Variants in IARS1 observed in about 807,000 individuals in gnomAD.
The protein encoded by IARS1 is isoleucyl-tRNA synthetase 1.
Under a neutral mutation model 168.2 loss-of-function variants are expected in IARS1, and 124 were observed. The ratio of observed to expected loss-of-function variants is 0.74; its 90% CI spans 0.64 to 0.86. IARS1 has a LOEUF of 0.86. IARS1 is among the 40% of genes least tolerant of loss of function. The probability of loss-of-function intolerance (pLI) is 0.00; values close to 1 mark genes in which losing one functional copy is unlikely to be tolerated. For missense variants in IARS1, 1,452 were observed against 1,515.8 expected (o/e 0.96, Z 0.70); for synonymous variants, 532 against 529.4 (o/e 1.00, Z -0.07).
chr9:92,210,934 A>T (rs768715920), intron 33 of IARS1, 45 bp from the exon 34 acceptor site: 3 of 1,227,992 alleles, frequency 2.4e-6, no homozygotes, highest in Non-Finnish European at 3.6e-6. Context: ...TATTTTACCT[A>T]TTGGGGGTGA....
chr9:92,289,377 C>T lies in IARS1; in HGVS notation c.43G>A (p.Glu15Lys), dbSNP rs754287620. The T allele has an allele frequency of 6.3e-7, 1 of 1,593,026 alleles. No homozygotes were observed. Among genetic ancestry groups the T allele is most frequent in the African/African-American group, 1.3e-5 (1 of 74,562 alleles). Residue 15 changes from glutamate to lysine, a missense_variant, in exon 2 of 34, where the codon GAA (glutamate) becomes AAA (lysine). By Grantham distance (56) the Glu-to-Lys change is moderately conservative (BLOSUM62 1). Coordinates refer to ENST00000443024, the MANE Select transcript of IARS1 (RefSeq NM_002161.6). Reference protein sequence around the residue: ...VPENINFPAEEEKILEFWTEF... With the variant: ...VPENINFPAEKEKILEFWTEF... ...GTCCAAAACTCCAAGATTTTCTCTT[C>T]TTCAGCAGGAAAATTTATGTTTTCT...
rs781770370 is a variant in IARS1 at position 92,247,528 on chromosome 9, T to G, written c.2640A>C (p.Thr880=). 6.2e-7 allele frequency: 1 copy of G among 1,613,646 alleles called. No homozygotes were observed. Among genetic ancestry groups the G allele is most frequent in the East Asian group, 2.2e-5 (1 of 44,886 alleles). Residue 880 remains threonine, a synonymous_variant, in exon 26 of 34, where the codon ACA becomes ACC. Transcript: ENST00000443024. ...IIEELNVRKV[T]LSTDKNKYGI... The stretch of plus-strand genomic sequence containing the variant: ...CATACTTGTTTTTATCTGTAGACAG[T>G]GTAACTTTTCGAACATTGAGTTCCT...
chr9:92,270,064 T>C (rs142415674), intron 12 of IARS1, 81 bp from the exon 13 acceptor site: 10 of 816,154 alleles, frequency 1.2e-5, no homozygotes, highest in Middle Eastern at 2.2e-4. Flanking sequence ...TCATGTCTTA[T>C]TGACAGCATC....
intron 33 of IARS1, among the ~76,000 whole-genome samples, chr9:92,219,933 A>T (rs1199052084): frequency 6.6e-6 from 1 of 151,982 alleles, no homozygotes; most frequent in African/African-American, 2.4e-5. Context: ...TACCCAAAGG[A>T]CTATAAATCA....
rs192531033 is a variant in IARS1 at position 92,275,056 on chromosome 9, C to A, written c.895-535G>T. On this transcript the variant is annotated intron_variant, in intron 9 of 33. Coordinates refer to ENST00000443024, the MANE Select transcript of IARS1 (RefSeq NM_002161.6). ...GGGGAAATGTGTTCAATTTCATTTT[C>A]TTTGCAACAGCAATATCATCATGTT... Among the ~76,000 whole-genome samples the A allele has an allele frequency of 4.6e-5, 7 of 152,362 alleles. No individual in the cohort carries two copies. The East Asian group carries it at 1.3e-3, about 29-fold the overall frequency.
chr9:92,257,846 A>G (rs1158826062), intron 19 of IARS1, among the ~76,000 whole-genome samples: 1 of 152,198 alleles, frequency 6.6e-6, no homozygotes, highest in Non-Finnish European at 1.5e-5. Flanking sequence ...GATGTGCAGT[A>G]TCGGAACTCT....
At chr9:92,251,980 A>G (rs1269092438) in intron 21 of IARS1, 95 bp from the exon 22 acceptor site, 1 of 871,280 alleles carries the variant, frequency 1.1e-6, no homozygotes, top group Admixed American at 2.0e-5. Context: ...TCTTCAAAGA[A>G]CATGCAGCAT....
Position 92,258,964 on chromosome 9 carries a change from C to T in IARS1, c.1906G>A (p.Glu636Lys), listed in dbSNP as rs759714989. ...CCCTCTTCTTTAAAGCGGAGGTTTTCTGCTCTCACCACAGGGGAGTTAATC... is the reference window on the plus strand; with the variant it reads ...CCCTCTTCTTTAAAGCGGAGGTTTTTTGCTCTCACCACAGGGGAGTTAATC... ...YLINSPVVRAENLRFKEEGVR... is the reference protein window; with the variant it reads ...YLINSPVVRAKNLRFKEEGVR... The change falls in exon 19 of 34, where the codon GAA becomes AAA. Residue 636 changes from glutamate (E) to lysine (K), a missense_variant. Coordinates refer to ENST00000443024, the MANE Select transcript of IARS1 (RefSeq NM_002161.6). 1 of 1,613,482 alleles carries T rather than the reference C, an allele frequency of 6.2e-7. No homozygotes were observed. Among genetic ancestry groups the T allele is most frequent in the Non-Finnish European group, 8.5e-7 (1 of 1,179,756 alleles).
intron 23 of IARS1, 31 bp from the exon 24 acceptor site, chr9:92,250,320 T>C: frequency 7.3e-7 from 1 of 1,370,720 alleles, no homozygotes; most frequent in South Asian, 1.2e-5. Context: ...TATGAAAGAG[T>C]TTAGATTTAA....
At chr9:92,273,509 CA>C (rs1338480957) in intron 10 of IARS1, among the ~76,000 whole-genome samples, 1 of 152,032 alleles carries the variant, frequency 6.6e-6, no homozygotes, top group African/African-American at 2.4e-5. Context: ...GAGAGATTGC[CA>C]AAACATTGAG....
chr9:92,249,683 G>C (rs1014130161), intron 25 of IARS1, among the ~76,000 whole-genome samples, 175 bp downstream of exon 25: 4 of 152,144 alleles, frequency 2.6e-5, no homozygotes, highest in African/African-American at 7.2e-5. Context: ...ATTTTTAAAA[G>C]AATTACAACA....
chr9:92,249,421 C>T (rs1338024268), intron 25 of IARS1, among the ~76,000 whole-genome samples: 3 of 152,038 alleles, frequency 2.0e-5, no homozygotes, highest in Non-Finnish European at 2.9e-5. Flanking sequence ...GGCATGGTGG[C>T]GGGTGCCTGT....
Position 92,222,541 on chromosome 9 carries a change from G to C in IARS1, c.3685C>G (p.Leu1229Val), listed in dbSNP as rs750903982. 1.2e-6 allele frequency: 2 copies of C among 1,613,968 alleles called. No homozygotes were observed. Among genetic ancestry groups the C allele is most frequent in the South Asian group, 1.1e-5 (1 of 91,070 alleles). ...GLRSRKLKLF[L>V]NETQTQEITE... Reference sequence around the variant, plus strand: ...TTACCCTGCGTTTGGGTCTCATTCAGAAACAGCTTTAGCTTCCTGCTCCGA... The same window carrying C: ...TTACCCTGCGTTTGGGTCTCATTCACAAACAGCTTTAGCTTCCTGCTCCGA... Residue 1229 changes from leucine (L) to valine (V), a missense_variant, in exon 33 of 34, where the codon CTG becomes GTG. Transcript: ENST00000443024.
At chr9:92,282,784 T>A (rs1434211461) in intron 6 of IARS1, among the ~76,000 whole-genome samples, 1 of 150,056 alleles carries the variant, frequency 6.7e-6, no homozygotes, top group Non-Finnish European at 1.5e-5. Flanking sequence ...AATAAATAAA[T>A]AAAAGTTTTA....
intron 30 of IARS1, among the ~76,000 whole-genome samples, chr9:92,230,824 AC>A (rs1225691390): frequency 6.6e-6 from 1 of 152,216 alleles, no homozygotes; most frequent in Admixed American, 6.5e-5. Flanking sequence ...TGTGATTTCA[AC>A]TTGAATTTTC....
chr9:92,226,786 A>G (rs1197481560), intron 31 of IARS1, among the ~76,000 whole-genome samples: 1 of 145,126 alleles, frequency 6.9e-6, no homozygotes, highest in Non-Finnish European at 1.5e-5. Flanking sequence ...GTGTGTTTCT[A>G]TGTCTTCACA....
chr9:92,245,789 C>T (rs1829100044), intron 26 of IARS1, among the ~76,000 whole-genome samples: 1 of 142,900 alleles, frequency 7.0e-6, no homozygotes, highest in African/African-American at 2.5e-5. Flanking sequence ...TTTTTTGAGA[C>T]AGAGTCTTGC....
At chr9:92,255,458 T>A (rs1830589042) in intron 20 of IARS1, among the ~76,000 whole-genome samples, 1 of 152,158 alleles carries the variant, frequency 6.6e-6, no homozygotes, top group South Asian at 2.1e-4. Context: ...GGACCTACAG[T>A]TGTGATTATC....
At chr9:92,245,993 G>A (rs1409736899) in intron 26 of IARS1, among the ~76,000 whole-genome samples, 2 of 152,050 alleles carry the variant, frequency 1.3e-5, no homozygotes, top group African/African-American at 4.8e-5. Flanking sequence ...AGCCAGGACA[G>A]TCTCAATCTC....
Sources: allele counts gnomAD v4.1 joint callset (sites outside exome capture counted in the v4.1 genomes callset), GRCh38; gene constraint gnomAD v4.1.1; transcripts MANE v1.5; gene names NCBI Gene and HGNC (gene_info 2026-07-23, HGNC 2026-07-21).